RAB3GAP1: variants seen among roughly 807,000 people sequenced by gnomAD.
RAB3GAP1 encodes the protein RAB3 GTPase activating protein catalytic subunit 1.
RAB3GAP1 carries 86 observed loss-of-function variants against 130.7 expected under a neutral mutation model. The observed-to-expected ratio is 0.66, with a 90% CI of 0.55 to 0.79. The LOEUF is 0.79. Ranked by LOEUF, RAB3GAP1 falls within the 30% of genes least tolerant of loss-of-function variation. The pLI is 0.00. For synonymous variants in RAB3GAP1, 367 were observed against 401.7 expected (o/e 0.91, Z 1.03); for missense variants, 1,029 against 1,169.4 (o/e 0.88, Z 1.75).
chr2:135,143,076 T>G (rs1691891284), intron 17 of RAB3GAP1, among the ~76,000 whole-genome samples: 1 of 152,070 alleles, frequency 6.6e-6, no homozygotes, highest in African/African-American at 2.4e-5. Flanking sequence ...GTTTTGTTTG[T>G]AGAAATATTT....
chr2:135,171,202 G>A (rs1692842616), downstream of RAB3GAP1, among the ~76,000 whole-genome samples: 1 of 152,092 alleles, frequency 6.6e-6, no homozygotes, highest in Non-Finnish European at 1.5e-5. Context: ...ATCTAGAGTG[G>A]GAAGGGGCAA....
chr2:135,097,155 G>C (rs1037695564), intron 5 of RAB3GAP1, among the ~76,000 whole-genome samples: 1 of 149,368 alleles, frequency 6.7e-6, no homozygotes, highest in African/African-American at 2.5e-5. Flanking sequence ...CACCTCTGCT[G>C]CCAAAAAAAA....
rs374385972 is a variant in RAB3GAP1 at position 135,130,031 on chromosome 2, G to A, written c.1010G>A (p.Arg337Gln). The A allele has an allele frequency of 3.3e-5, 54 of 1,612,160 alleles. No homozygotes were observed. In the Admixed American group the frequency reaches 4.7e-4, roughly 14 times the overall value. ...FVTEFFKICR[R>Q]KESTDEILGR... ...ACTGAATTTTTTAAAATTTGCCGTCGAAAGGAGTCAACTGATGAGATTCTT... is the reference window on the plus strand; with the variant it reads ...ACTGAATTTTTTAAAATTTGCCGTCAAAAGGAGTCAACTGATGAGATTCTT... Residue 337 changes from arginine (R) to glutamine (Q), a missense_variant, in exon 12 of 24, where the codon CGA becomes CAA. Physicochemically the swap from Arg to Gln is conservative, Grantham distance 43. Coordinates refer to ENST00000264158, the MANE Select transcript of RAB3GAP1 (RefSeq NM_012233.3).
At chr2:135,092,279 A>G (rs1199227748) in intron 4 of RAB3GAP1, among the ~76,000 whole-genome samples, 2 of 152,210 alleles carry the variant, frequency 1.3e-5, no homozygotes, top group Non-Finnish European at 1.5e-5. Flanking sequence ...TCTGCCAATT[A>G]ATGAAGGAAA....
At chr2:135,114,557 C>G (rs1233064797) in intron 6 of RAB3GAP1, among the ~76,000 whole-genome samples, 2 of 152,130 alleles carry the variant, frequency 1.3e-5, no homozygotes, top group African/African-American at 4.8e-5. Context: ...TCTGTTTCTC[C>G]TAGGAGAAAT....
chr2:135,127,209 T>G, intron 11 of RAB3GAP1, among the ~76,000 whole-genome samples: 1 of 150,116 alleles, frequency 6.7e-6, no homozygotes. Context: ...TTTTTCCGGA[T>G]GCTTTTATGT....
chr2:135,123,034 C>T (rs1411251402), intron 8 of RAB3GAP1, among the ~76,000 whole-genome samples: 1 of 152,082 alleles, frequency 6.6e-6, no homozygotes, highest in Non-Finnish European at 1.5e-5. Context: ...CAGCCCAAGA[C>T]AAGTATTGTC....
At chr2:135,163,250 T>G (rs573319850) in intron 22 of RAB3GAP1, 149 bp downstream of exon 22, 3 of 711,526 alleles carry the variant, frequency 4.2e-6, no homozygotes, top group Non-Finnish European at 7.6e-6. Flanking sequence ...ATAATTATCA[T>G]AGCATTTGAC....
intron 6 of RAB3GAP1, 146 bp from the exon 7 acceptor site, chr2:135,115,070 G>T: frequency 1.5e-6 from 1 of 684,276 alleles, no homozygotes; most frequent in African/African-American, 1.8e-5. Flanking sequence ...GAATGTCTTT[G>T]TTATACACAC....
Position 135,135,723 on chromosome 2 carries a change from G to C in RAB3GAP1, c.1714G>C (p.Gly572Arg). 6.2e-7 allele frequency: 1 copy of C among 1,613,986 alleles called. No homozygotes were observed. ...AACAGATAAGGAAAAGGGAGAGGTA[G>C]GAAAATCTTGGGATTCCTGGAGTGA... is the stretch of plus-strand genomic sequence containing the variant. ...KETDKEKGEV[G>R]KSWDSWSDSE... The change falls in exon 17 of 24, where the codon GGA becomes CGA. Residue 572 changes from glycine (G) to arginine (R), a missense_variant. Coordinates refer to ENST00000264158, the MANE Select transcript of RAB3GAP1 (RefSeq NM_012233.3).
chr2:135,124,413 C>G (rs1691290149), intron 9 of RAB3GAP1, among the ~76,000 whole-genome samples, 167 bp downstream of exon 9: 1 of 152,148 alleles, frequency 6.6e-6, no homozygotes, highest in Admixed American at 6.5e-5. Context: ...TGCCTGTAAT[C>G]CTAGCGCTCT....
chr2:135,117,680 T>C (rs947211217), intron 7 of RAB3GAP1, among the ~76,000 whole-genome samples: 2 of 146,736 alleles, frequency 1.4e-5, no homozygotes, highest in Non-Finnish European at 3.0e-5. Flanking sequence ...CTTCTTCTGC[T>C]TCTGCTTCTT....
At chr2:135,168,239 A>C (rs1408292376) in intron 23 of RAB3GAP1, among the ~76,000 whole-genome samples, 1 of 152,168 alleles carries the variant, frequency 6.6e-6, no homozygotes, top group African/African-American at 2.4e-5. Flanking sequence ...GAAACATAGA[A>C]AGCAGCACAG....
intron 5 of RAB3GAP1, 126 bp downstream of exon 5, chr2:135,093,819 T>G (rs1271962595): frequency 1.2e-6 from 1 of 827,052 alleles, no homozygotes. Context: ...GCTGATTTAT[T>G]GCAGAGACAG....
At chr2:135,081,953 C>T (rs1299005310) in intron 3 of RAB3GAP1, among the ~76,000 whole-genome samples, 1 of 151,936 alleles carries the variant, frequency 6.6e-6, no homozygotes, top group Admixed American at 6.6e-5. Context: ...CCAGCCTGGC[C>T]AACATGGTAA....
At chr2:135,089,808 C>T (rs541355046) in intron 3 of RAB3GAP1, 7 of 382,518 alleles carry the variant, frequency 1.8e-5, no homozygotes, top group African/African-American at 4.3e-5. Flanking sequence ...AGCTGGAAAC[C>T]ATCATTCTCA....
chr2:135,077,479 G>C lies in RAB3GAP1; in HGVS notation c.151-13519G>C, dbSNP rs146291085. Among the ~76,000 whole-genome samples, 1,253 of 152,080 alleles carry C rather than the reference G, an allele frequency of 8.2e-3. 16 individuals carry two copies. Among genetic ancestry groups the C allele is most frequent in the African/African-American group, 0.027 (1,135 of 41,480 alleles). On this transcript the variant is annotated intron_variant, in intron 3 of 23. Coordinates refer to ENST00000264158, the MANE Select transcript of RAB3GAP1 (RefSeq NM_012233.3). ...GGCCCAGGCAGGAAGATTACTTGAGGCCAGGAGTTTGAGACCAGCCTGGGC... is the reference window on the plus strand; with the variant it reads ...GGCCCAGGCAGGAAGATTACTTGAGCCCAGGAGTTTGAGACCAGCCTGGGC...
intron 5 of RAB3GAP1, 45 bp from the exon 6 acceptor site, chr2:135,113,106 G>A (rs1690862864): frequency 5.6e-6 from 9 of 1,613,382 alleles, no homozygotes; most frequent in East Asian, 2.2e-5. Flanking sequence ...GGATTTTTGT[G>A]TTCTGAGGTT....
rs377398159 is a variant in RAB3GAP1 at position 135,118,998 on chromosome 2, C to A, written c.649-1821C>A. Among the ~76,000 whole-genome samples, 33 of 152,226 alleles carry A rather than the reference C, an allele frequency of 2.2e-4. No homozygotes were observed. In the South Asian group the frequency reaches 5.8e-3, roughly 27 times the overall value. ...CGCCTTCCACACCTCAAGGCATGTG[C>A]CTTGAACCCCACTTATCCTCCAGGG... On this transcript the variant is annotated intron_variant, in intron 7 of 23. Transcript: ENST00000264158.
Sources: allele counts gnomAD v4.1 joint callset (sites outside exome capture counted in the v4.1 genomes callset), GRCh38; gene constraint gnomAD v4.1.1; transcripts MANE v1.5; gene names NCBI Gene and HGNC (gene_info 2026-07-23, HGNC 2026-07-21).